Variants in ACTN2 observed in about 807,000 individuals in gnomAD.
The protein encoded by ACTN2 is alpha-actinin-2.
Under a neutral mutation model 113.8 loss-of-function variants are expected in ACTN2, and 39 were observed. The ratio of observed to expected loss-of-function variants is 0.34; its 90% confidence interval spans 0.27 to 0.45. The LOEUF is 0.45. Among genes scored for constraint, ACTN2 ranks in the 20% least tolerant of loss-of-function variants. ACTN2 has a pLI of 1.00. For missense variants in ACTN2, 992 were observed against 1,177.9 expected (o/e 0.84, Z 2.31); for synonymous variants, 429 against 444.1 (o/e 0.97, Z 0.43).
intron 6 of ACTN2, 129 bp downstream of exon 6, chr1:236,727,885 C>G: frequency 3.7e-6 from 3 of 814,960 alleles, no homozygotes; most frequent in Non-Finnish European, 6.2e-6. Flanking sequence ...CAGGAAAAAG[C>G]ACATTCTCCC....
At chr1:236,719,736 T>C (rs1658327186) in intron 3 of ACTN2, among the ~76,000 whole-genome samples, 1 of 151,724 alleles carries the variant, frequency 6.6e-6, no homozygotes, top group Admixed American at 6.6e-5. Context: ...GAGGCGGAGG[T>C]TGCAGTGAGC....
rs11410238 is a variant in ACTN2, at chr1:236,730,271, C to CTT, written c.616-948_616-947dup. Among the ~76,000 whole-genome samples the CTT allele has an allele frequency of 2.9e-3, 427 of 146,844 alleles. 1 individual carries two copies. In the East Asian group the frequency reaches 0.03, roughly 10 times the overall value. On this transcript the variant is annotated intron_variant, in intron 6 of 20. Coordinates refer to ENST00000366578, the MANE Select transcript of ACTN2 (RefSeq NM_001103.4). The stretch of plus-strand genomic sequence containing the variant: ...TGTTAAAAGAACGTTTAGTTAAACA[C>CTT]TTTTTTTTTTTTTTTACTGAAATCG...
intron 19 of ACTN2, 29 bp from the exon 20 acceptor site, chr1:236,760,986 G>T (rs1160036113): frequency 1.9e-6 from 3 of 1,614,170 alleles, no homozygotes; most frequent in Non-Finnish European, 2.5e-6. Flanking sequence ...TACCGTTCGT[G>T]TACATGTTTC....
At chr1:236,709,253 TATAC>T (rs1553298580) in intron 1 of ACTN2, among the ~76,000 whole-genome samples, 163 of 70,188 alleles carry the variant, frequency 2.3e-3, no homozygotes, top group African/African-American at 5.9e-3. Context: ...TATATATATA[TATAC>T]ACACACACAC....
intron 1 of ACTN2, among the ~76,000 whole-genome samples, chr1:236,687,794 G>A (rs938013430): frequency 1.3e-5 from 2 of 152,206 alleles, no homozygotes; most frequent in Non-Finnish European, 2.9e-5. Flanking sequence ...TATGATGGTG[G>A]AGAACACACA....
chr1:236,709,220 G>GTA (rs758619189), intron 1 of ACTN2, among the ~76,000 whole-genome samples: 1,910 of 66,678 alleles, frequency 0.029, 40 homozygotes, highest in Middle Eastern at 0.047. Flanking sequence ...ACAAATGACT[G>GTA]TATATATATA....
In ACTN2 at chr1:236,757,557, C is replaced by G. The variant is rs376982788; in HGVS notation, c.2226C>G (p.Ile742Met). 1 of 1,614,146 alleles carries G rather than the reference C, an allele frequency of 6.2e-7. No individual in the cohort carries two copies. The highest frequency in any genetic ancestry group is 8.5e-7 in the Non-Finnish European group (1 of 1,180,036). The change falls in exon 18 of 21, where the codon ATC (isoleucine) becomes ATG (methionine). Residue 742 changes from isoleucine (I) to methionine (M), a missense_variant. By Grantham distance (10) the Ile-to-Met change is conservative (BLOSUM62 1). This residue lies in a region of ACTN2 where 736 missense variants were observed against 815.4 expected (regional missense o/e 0.90). Transcript: ENST00000366578. ...ARTINEVETQ[I>M]LTRDAKGITQ... is the part of the protein sequence containing the mutation. Reference sequence around the variant, plus strand: ...CCATCAATGAGGTGGAGACTCAGATCCTGACGAGAGATGCGAAGGGCATCA... The same window carrying G: ...CCATCAATGAGGTGGAGACTCAGATGCTGACGAGAGATGCGAAGGGCATCA...
rs544721025 is a variant in ACTN2 at position 236,755,156 on chromosome 1, G to A, written c.2112G>A (p.Glu704=). The A allele has an allele frequency of 1.9e-6, 3 of 1,614,160 alleles. No homozygotes were observed. In the South Asian group the frequency reaches 3.3e-5, roughly 18 times the overall value. ...AGGGAGACCATCAGCTCATCCAGGA[G>A]GCCCTTGTCTTTGACAACAAGCACA... The part of the protein sequence containing the change: ...KLEGDHQLIQ[E]ALVFDNKHTN... Residue 704 remains glutamate (E), a synonymous_variant, in exon 17 of 21, where the codon GAG becomes GAA. Transcript: ENST00000366578.
chr1:236,711,052 A>G (rs1298834954), intron 1 of ACTN2, among the ~76,000 whole-genome samples: 4 of 152,238 alleles, frequency 2.6e-5, no homozygotes, highest in East Asian at 1.9e-4. Flanking sequence ...AAGCATCTGT[A>G]TGACTCCAAG....
Position 236,727,704 on chromosome 1 carries a change from C to T in ACTN2, c.563C>T (p.Ala188Val). 1 of 1,614,084 alleles carries T rather than the reference C, an allele frequency of 6.2e-7. No homozygotes were observed. The highest frequency in any genetic ancestry group is 8.5e-7 in the Non-Finnish European group (1 of 1,179,978). ...TGGAAAGATGGCCTTGGACTCTGTGCCCTCATCCACCGACACCGGCCTGAC... is the reference window on the plus strand; with the variant it reads ...TGGAAAGATGGCCTTGGACTCTGTGTCCTCATCCACCGACACCGGCCTGAC... Reference protein sequence around the residue: ...TSWKDGLGLCALIHRHRPDLI... With the variant: ...TSWKDGLGLCVLIHRHRPDLI... The change falls in exon 6 of 21, where the codon GCC (alanine) becomes GTC (valine). Residue 188 changes from alanine (A) to valine (V), a missense_variant. Physicochemically the swap from Ala to Val is moderately conservative, Grantham distance 64. Coordinates refer to ENST00000366578, the MANE Select transcript of ACTN2 (RefSeq NM_001103.4).
At chr1:236,760,956 C>A in intron 19 of ACTN2, 59 bp from the exon 20 acceptor site, 1 of 1,606,470 alleles carries the variant, frequency 6.2e-7, no homozygotes. Context: ...AGAATGAAAA[C>A]GGCTCTGTTG....
intron 11 of ACTN2, 75 bp from the exon 12 acceptor site, chr1:236,744,551 C>T (rs1158112407): frequency 1.3e-6 from 2 of 1,559,944 alleles, no homozygotes; most frequent in African/African-American, 1.4e-5. Flanking sequence ...CTCACCGCTC[C>T]CTGAGAATGT....
At chr1:236,758,562 T>A (rs1659616956) in intron 18 of ACTN2, among the ~76,000 whole-genome samples, 2 of 151,824 alleles carry the variant, frequency 1.3e-5, no homozygotes, top group South Asian at 4.2e-4. Context: ...GTGCTAGGAT[T>A]ACAAGTGTGA....
chr1:236,698,352 A>G (rs973331834), intron 1 of ACTN2, among the ~76,000 whole-genome samples: 1 of 152,214 alleles, frequency 6.6e-6, no homozygotes, highest in Non-Finnish European at 1.5e-5. Context: ...GTTTTAAAAC[A>G]TATTGTAGAT....
intron 1 of ACTN2, among the ~76,000 whole-genome samples, chr1:236,713,490 G>C (rs1486865883): frequency 6.6e-6 from 1 of 152,172 alleles, no homozygotes; most frequent in Non-Finnish European, 1.5e-5. Flanking sequence ...GCCTCCCAAA[G>C]TGCTGGGATT....
chr1:236,688,736 A>G lies in ACTN2; in HGVS notation c.126+1937A>G, dbSNP rs967725009. 4.6e-5 allele frequency among the ~76,000 whole-genome samples: 7 copies of G among 152,348 alleles called. No homozygotes were observed. The East Asian group carries it at 7.7e-4, about 17-fold the overall frequency. Reference sequence around the variant, plus strand: ...GATTCTCTATTTCTACTTTTGGTATAGACCCTGCTCAAGTCAGTAAAATAA... The same window carrying G: ...GATTCTCTATTTCTACTTTTGGTATGGACCCTGCTCAAGTCAGTAAAATAA... On this transcript the variant is annotated intron_variant, in intron 1 of 20. Coordinates refer to ENST00000366578, the MANE Select transcript of ACTN2 (RefSeq NM_001103.4).
intron 10 of ACTN2, among the ~76,000 whole-genome samples, chr1:236,740,854 C>T (rs1003042719): frequency 6.6e-6 from 1 of 151,984 alleles, no homozygotes; most frequent in African/African-American, 2.4e-5. Flanking sequence ...CCCATTTCCC[C>T]ATTCTTGAAG....
chr1:236,753,873 A>G (rs1357966339), intron 15 of ACTN2, 74 bp from the exon 16 acceptor site: 3 of 1,471,270 alleles, frequency 2.0e-6, no homozygotes, highest in Non-Finnish European at 2.8e-6. Context: ...CCCTTGGACT[A>G]TTCCCGCATT....
chr1:236,686,941 G>A, intron 1 of ACTN2, 142 bp downstream of exon 1: 2 of 977,414 alleles, frequency 2.0e-6, no homozygotes, highest in Non-Finnish European at 2.7e-6. Context: ...TCGCAGCCCC[G>A]GGGGCCCCTT....
Sources: gnomAD v4.1 joint callset for allele counts (sites outside exome capture counted in the v4.1 genomes callset) on GRCh38, gnomAD v4.1.1 for gene constraint, gnomAD v4.1.1 regional missense constraint, MANE v1.5 for transcripts, NCBI Gene and HGNC (gene_info 2026-07-23, HGNC 2026-07-21) for gene names.